The following BRD1 variants were observed in gnomAD, a reference collection of about 807,000 sequenced individuals.
BRD1 encodes the protein bromodomain-containing protein 1.
Under a neutral mutation model 107.7 loss-of-function variants are expected in BRD1, and 24 were observed. The ratio of observed to expected loss-of-function variants is 0.22; its 90% CI spans 0.16 to 0.31. The LOEUF is 0.31. Among genes scored for constraint, BRD1 ranks in the 10% least tolerant of loss-of-function variants. The pLI is 1.00. For synonymous variants in BRD1, 744 were observed against 686.1 expected, an observed-to-expected ratio of 1.08 and a Z score of -1.32; for missense variants, 1,279 against 1,638.6, an observed-to-expected ratio of 0.78 and a Z score of 3.79.
Position 49,824,746 on chromosome 22 carries a change from G to T in BRD1, c.-14-415C>A, listed in dbSNP as rs1569144896. ...CCACATACAGGGCTGGACCCCACCA[G>T]GCACAGAGGCTATGCCCACCAGACA... On this transcript the variant is annotated intron_variant, in intron 1 of 12. Transcript: ENST00000404760. This position sits in a 1 kb window ranked among gnomAD's most constrained non-coding sequence, Gnocchi z 5.9. 4.8e-6 allele frequency: 5 copies of T among 1,041,294 alleles called. No individual in the cohort carries two copies. In the South Asian group the frequency reaches 1.8e-4, roughly 37 times the overall value. 64.5% of individuals were successfully genotyped at this position (1,041,294 alleles called of 1,614,324 possible).
In BRD1 at chr22:49,787,380, C is replaced by T. The variant is rs537742183; in HGVS notation, c.2857+10G>A. On this transcript the variant is annotated intron_variant, in intron 8 of 12. Coordinates refer to ENST00000404760, the MANE Select transcript of BRD1 (RefSeq NM_001304808.3). ...CAAGGGCGCCTCTCAGGGCCGCCCG[C>T]GGCATTTACCTGCGTCCAGGCGCTT... The T allele has an allele frequency of 7.6e-6, 12 of 1,578,170 alleles. No homozygotes were observed. The highest frequency in any genetic ancestry group is 1.7e-5 in the Admixed American group (1 of 58,164).
chr22:49,801,319 A>G (rs554346517), intron 3 of BRD1, among the ~76,000 whole-genome samples: 1 of 152,346 alleles, frequency 6.6e-6, no homozygotes, highest in Admixed American at 6.5e-5. Flanking sequence ...ATGCGCAGCC[A>G]GCACAGACCC....
chr22:49,782,291 G>C (rs1220832455), intron 8 of BRD1, among the ~76,000 whole-genome samples: 2 of 139,416 alleles, frequency 1.4e-5, no homozygotes, highest in East Asian at 4.4e-4. Context: ...ACGCCTGCAC[G>C]AGACCTGCTC....
rs1023608166 is a variant in BRD1 at position 49,776,169 on chromosome 22, G to C, written c.3122-10C>G. On this transcript the variant is annotated splice_polypyrimidine_tract_variant and intron_variant, in intron 10 of 12. Coordinates refer to ENST00000404760, the MANE Select transcript of BRD1 (RefSeq NM_001304808.3). ...CTGCTCTGGCCGACTTCTGCGGAGA[G>C]GGGCGTCAGCAGGACACAGGCGTCA... The C allele has an allele frequency of 1.2e-6, 2 of 1,601,352 alleles. No individual in the cohort carries two copies. The highest frequency in any genetic ancestry group is 1.7e-6 in the Non-Finnish European group (2 of 1,178,810).
intron 2 of BRD1, among the ~76,000 whole-genome samples, chr22:49,820,137 A>G (rs189869322): frequency 1.4e-3 from 216 of 152,062 alleles, no homozygotes; most frequent in Non-Finnish European, 2.4e-3. Context: ...CTCAAAAAAA[A>G]GGGGGGAAAA....
chr22:49,777,658 C>T lies in BRD1; in HGVS notation c.2993+20G>A, dbSNP rs549981489. ...GTGCTGGGAGCTGCGTGGTGGGAAG[C>T]GCAGGGCCGCGGTGCCCACCTCGAG... On this transcript the variant is annotated intron_variant, in intron 9 of 12. Coordinates refer to ENST00000404760, the MANE Select transcript of BRD1 (RefSeq NM_001304808.3). The T allele has an allele frequency of 2.5e-6, 4 of 1,597,910 alleles. No individual in the cohort carries two copies. Among genetic ancestry groups the T allele is most frequent in the South Asian group, 2.2e-5 (2 of 88,986 alleles).
In BRD1 at chr22:49,776,145, T is replaced by C. The variant is rs1293969111; in HGVS notation, c.3136A>G (p.Ser1046Gly). The stretch of plus-strand genomic sequence containing the variant: ...GCGGCATCAGTGGAGATCCACATGC[T>C]GCTCTGGCCGACTTCTGCGGAGAGG... ...ARIAAEVGQS[S>G]MWISTDAAAS... Residue 1046 changes from serine (S) to glycine (G), a missense_variant, in exon 11 of 13, where the codon AGC becomes GGC. Ser to Gly is a moderately conservative substitution (Grantham distance 56). Coordinates refer to ENST00000404760, the MANE Select transcript of BRD1 (RefSeq NM_001304808.3). The C allele has an allele frequency of 6.2e-7, 1 of 1,605,302 alleles. No individual in the cohort carries two copies. Among genetic ancestry groups the C allele is most frequent in the South Asian group, 1.1e-5 (1 of 91,050 alleles).
At chr22:49,780,642 C>T (rs4824096) in intron 8 of BRD1, among the ~76,000 whole-genome samples, 9 of 152,178 alleles carry the variant, frequency 5.9e-5, no homozygotes, top group South Asian at 2.1e-4. Flanking sequence ...AGGTGGCCTG[C>T]GCTGCCCGGA....
At chr22:49,777,650 G>C in intron 9 of BRD1, 28 bp downstream of exon 9, 1 of 1,595,372 alleles carries the variant, frequency 6.3e-7, no homozygotes, top group Non-Finnish European at 8.5e-7. Context: ...GAGCTGCGTG[G>C]TGGGAAGCGC....
chr22:49,805,176 T>C (rs2147212608), intron 2 of BRD1, among the ~76,000 whole-genome samples: 1 of 152,184 alleles, frequency 6.6e-6, no homozygotes, highest in East Asian at 1.9e-4. Context: ...CATCTTCAAG[T>C]CTCCCAAGAA....
chr22:49,814,694 C>T (rs898522474), intron 2 of BRD1, among the ~76,000 whole-genome samples: 5 of 152,130 alleles, frequency 3.3e-5, no homozygotes, highest in African/African-American at 9.7e-5. Context: ...CCCACCAGCC[C>T]GAGCCCAGGA....
intron 2 of BRD1, chr22:49,807,157 G>C (rs1297460275): frequency 6.6e-6 from 1 of 152,112 alleles, no homozygotes; most frequent in Non-Finnish European, 1.5e-5. Context: ...ATGCACTAGG[G>C]AACGTATGGA....
rs367645807 is a variant in BRD1 at position 49,774,216 on chromosome 22, C to T, written c.*17G>A. On this transcript the variant is annotated 3_prime_UTR_variant, in exon 13 of 13. Coordinates refer to ENST00000404760, the MANE Select transcript of BRD1 (RefSeq NM_001304808.3). ...TTATCAACACTATGGACAAGACCCG[C>T]GCTGGCGGCCGGGCCGTCAGTCAAT... is the stretch of plus-strand genomic sequence containing the variant. 1,060 of 1,609,488 alleles carry T rather than the reference C, an allele frequency of 6.6e-4. 1 individual carries two copies. Among genetic ancestry groups the T allele is most frequent in the Non-Finnish European group, 8.3e-4 (982 of 1,177,138 alleles).
intron 10 of BRD1, 79 bp downstream of exon 10, chr22:49,776,955 G>A (rs2059112219): frequency 1.9e-6 from 3 of 1,584,424 alleles, no homozygotes; most frequent in Non-Finnish European, 2.6e-6. Context: ...CTGAGCCGGA[G>A]TCCAGTCCCC....
chr22:49,799,593 C>T (rs537375562), intron 3 of BRD1, among the ~76,000 whole-genome samples: 31 of 152,352 alleles, frequency 2.0e-4, no homozygotes, highest in Non-Finnish European at 1.3e-4. Flanking sequence ...CAGAGCATGA[C>T]GGGGGCCTGG....
chr22:49,775,815 A>AAC, intron 11 of BRD1, 70 bp from the exon 12 acceptor site: 38 of 1,141,494 alleles, frequency 3.3e-5, no homozygotes, highest in Admixed American at 2.0e-4. Flanking sequence ...TGTCACTGGC[A>AAC]CCCCCCCCCG....
chr22:49,784,947 T>C (rs900958731), intron 8 of BRD1, among the ~76,000 whole-genome samples: 10 of 152,182 alleles, frequency 6.6e-5, no homozygotes, highest in African/African-American at 9.7e-5. Flanking sequence ...GGAAATCCAC[T>C]GTCACTCGGA....
At chr22:49,826,108 C>G in intron 1 of BRD1, 3 of 939,806 alleles carry the variant, frequency 3.2e-6, no homozygotes, top group Non-Finnish European at 3.8e-6. Context: ...CGCCGACACG[C>G]GTCATTACTG....
rs1569079673 is a variant in BRD1, at chr22:49,775,824, C to CGCCCCCCGCAGCTGTGTGA, written c.3232-80_3232-79insTCACACAGCTGCGGGGGGC. The CGCCCCCCGCAGCTGTGTGA allele has an allele frequency of 1.2e-3, 1,593 of 1,281,932 alleles. 35 individuals carry two copies. Among genetic ancestry groups the CGCCCCCCGCAGCTGTGTGA allele is most frequent in the Middle Eastern group, 6.1e-3 (20 of 3,266 alleles). The allele number at this position is 1,281,932 out of a possible 1,614,324, so 79.4% of individuals were successfully genotyped here. ...CCCACCTGTCACTGGCACCCCCCCC[C>CGCCCCCCGCAGCTGTGTGA]GCCTCCCCACCCCAGCTGTGTGAGC... On this transcript the variant is annotated intron_variant, in intron 11 of 12. Transcript: ENST00000404760.
Sources: gnomAD v4.1 joint callset for allele counts (sites outside exome capture counted in the v4.1 genomes callset) on GRCh38, gnomAD v4.1.1 for gene constraint, Gnocchi (gnomAD v3.1) non-coding constraint, MANE v1.5 for transcripts, NCBI Gene and HGNC (gene_info 2026-07-23, HGNC 2026-07-21) for gene names.